The following TCERG1L variants were observed in gnomAD, a reference collection of about 807,000 sequenced individuals.
TCERG1L encodes transcription elongation regulator 1-like protein.
Under a neutral mutation model 56.3 loss-of-function variants are expected in TCERG1L, and 37 were observed. That is an observed-to-expected ratio of 0.66 (90% CI 0.51 to 0.87). The LOEUF (loss-of-function observed/expected upper bound fraction) is 0.87. TCERG1L is among the 40% of genes least tolerant of loss of function. TCERG1L has a pLI of 0.00. For missense variants in TCERG1L, 799 were observed against 774.2 expected (o/e 1.03, Z -0.38); for synonymous variants, 324 against 326.3 (o/e 0.99, Z 0.08).
intron 4 of TCERG1L, among the ~76,000 whole-genome samples, chr10:131,256,998 A>G (rs868032373): frequency 4.3e-4 from 41 of 94,298 alleles, no homozygotes; most frequent in African/African-American, 1.5e-3. Flanking sequence ...GGAAGGAAAG[A>G]AAGAAAGAAA....
intron 5 of TCERG1L, among the ~76,000 whole-genome samples, chr10:131,165,896 C>G (rs142328308): frequency 6.6e-6 from 1 of 152,072 alleles, no homozygotes; most frequent in Non-Finnish European, 1.5e-5. Context: ...GAATTAGACT[C>G]GAAGAACCAT....
At chr10:131,098,778 G>A (rs948652600) in intron 10 of TCERG1L, among the ~76,000 whole-genome samples, 1 of 152,196 alleles carries the variant, frequency 6.6e-6, no homozygotes, top group Non-Finnish European at 1.5e-5. Flanking sequence ...GGCTGCAGTG[G>A]TCCTCACTGT....
chr10:131,254,732 G>A (rs1846150102), intron 4 of TCERG1L, among the ~76,000 whole-genome samples: 1 of 152,188 alleles, frequency 6.6e-6, no homozygotes, highest in South Asian at 2.1e-4. Flanking sequence ...GGAGGCGTCA[G>A]GACGACCTCT....
chr10:131,158,845 G>A (rs4751332), intron 6 of TCERG1L, among the ~76,000 whole-genome samples: 26,611 of 152,220 alleles, frequency 0.17, 2,528 homozygotes, highest in Middle Eastern at 0.34. Context: ...CATGGGGAGC[G>A]AGCTCTGGGC....
At chr10:131,203,723 C>T (rs1239478342) in intron 4 of TCERG1L, among the ~76,000 whole-genome samples, 2 of 152,142 alleles carry the variant, frequency 1.3e-5, no homozygotes, top group Non-Finnish European at 2.9e-5. Flanking sequence ...AAGGCACTCT[C>T]CTAACTGCTG....
At chr10:131,269,639 G>A in intron 3 of TCERG1L, among the ~76,000 whole-genome samples, 1 of 152,146 alleles carries the variant, frequency 6.6e-6, no homozygotes, top group East Asian at 1.9e-4. Flanking sequence ...GAAGTTTGTG[G>A]CTCCCCAAAA....
chr10:131,241,994 T>C (rs1286186092), intron 4 of TCERG1L, among the ~76,000 whole-genome samples: 1 of 152,120 alleles, frequency 6.6e-6, no homozygotes, highest in Non-Finnish European at 1.5e-5. Flanking sequence ...CTTTAAAATG[T>C]TGAGGGAAAA....
chr10:131,308,470 G>T, intron 2 of TCERG1L, 79 bp from the exon 3 acceptor site: 1 of 1,169,870 alleles, frequency 8.5e-7, no homozygotes, highest in Non-Finnish European at 1.2e-6. Context: ...AAATATTTGT[G>T]TTGCCTTACG....
chr10:131,200,241 C>T (rs1845416648), intron 4 of TCERG1L, among the ~76,000 whole-genome samples: 1 of 152,174 alleles, frequency 6.6e-6, no homozygotes, highest in South Asian at 2.1e-4. Flanking sequence ...GCCTTAGTCT[C>T]GTTTGTGCTG....
intron 4 of TCERG1L, among the ~76,000 whole-genome samples, chr10:131,218,414 C>T (rs1030931244): frequency 1.3e-5 from 2 of 152,238 alleles, no homozygotes; most frequent in East Asian, 3.8e-4. Context: ...TGTGACCTCA[C>T]TGCATGTTGA....
intron 11 of TCERG1L, among the ~76,000 whole-genome samples, chr10:131,094,244 A>C (rs553941158): frequency 6.6e-6 from 1 of 152,270 alleles, no homozygotes; most frequent in Admixed American, 6.5e-5. Context: ...ATGCAGATGC[A>C]CTCGCTTGTC....
chr10:131,259,948 G>A (rs1413351854), intron 4 of TCERG1L, among the ~76,000 whole-genome samples: 1 of 152,256 alleles, frequency 6.6e-6, no homozygotes, highest in Non-Finnish European at 1.5e-5. Context: ...TGCACTCCCA[G>A]ACGCATGCAT....
intron 7 of TCERG1L, among the ~76,000 whole-genome samples, chr10:131,142,851 A>G (rs76422804): frequency 0.05 from 7,588 of 152,300 alleles, 278 homozygotes; most frequent in South Asian, 0.22. Context: ...CATACACTGG[A>G]CTACCTGGCA....
rs188695617 is a variant in TCERG1L, at chr10:131,227,734, G to A, written c.856+32525C>T. On this transcript the variant is annotated intron_variant, in intron 4 of 11. Coordinates refer to ENST00000368642, the MANE Select transcript of TCERG1L (RefSeq NM_174937.4). ...TTACGGACATGAGCAAAGAACCCAAGATACACGTCTTGATTACAAAACTGA... is the reference window on the plus strand; with the variant it reads ...TTACGGACATGAGCAAAGAACCCAAAATACACGTCTTGATTACAAAACTGA... Among the ~76,000 whole-genome samples, 154 of 125,422 alleles carry A rather than the reference G, an allele frequency of 1.2e-3. 1 individual carries two copies. Among genetic ancestry groups the A allele is most frequent in the African/African-American group, 4.9e-3 (150 of 30,910 alleles). The allele number at this position is 125,422 out of a possible 152,430, so 82.3% of individuals were successfully genotyped here. A position where few individuals can be genotyped will look rare whatever the true frequency, so the allele number is the denominator to read the frequency against.
intron 11 of TCERG1L, among the ~76,000 whole-genome samples, chr10:131,097,448 C>T (rs759770669): frequency 7.2e-5 from 11 of 152,162 alleles, no homozygotes; most frequent in East Asian, 1.9e-4. Flanking sequence ...CCCAGGTTTA[C>T]GCCATTCTCC....
chr10:131,203,470 C>T (rs1043626956), intron 4 of TCERG1L, among the ~76,000 whole-genome samples: 12 of 152,270 alleles, frequency 7.9e-5, no homozygotes, highest in African/African-American at 2.6e-4. Context: ...CCAAGCTGGC[C>T]CCAATCACAG....
intron 4 of TCERG1L, among the ~76,000 whole-genome samples, chr10:131,199,206 C>T (rs1383310547): frequency 6.6e-6 from 1 of 152,184 alleles, no homozygotes; most frequent in Non-Finnish European, 1.5e-5. Context: ...TCTGTACTCA[C>T]CCTTTGATCA....
chr10:131,281,297 C>T (rs1203311988), intron 3 of TCERG1L, among the ~76,000 whole-genome samples: 1 of 152,172 alleles, frequency 6.6e-6, no homozygotes, highest in East Asian at 1.9e-4. Context: ...GCCCTGCACG[C>T]CCTGTGCTGC....
At chr10:131,213,694 C>T (rs891105177) in intron 4 of TCERG1L, among the ~76,000 whole-genome samples, 1 of 152,222 alleles carries the variant, frequency 6.6e-6, no homozygotes, top group Non-Finnish European at 1.5e-5. Flanking sequence ...TCAGCAGGCA[C>T]AAGGAGGGCC....
Sources: gnomAD v4.1 joint callset for allele counts (sites outside exome capture counted in the v4.1 genomes callset) on GRCh38, gnomAD v4.1.1 for gene constraint, MANE v1.5 for transcripts, NCBI Gene and HGNC (gene_info 2026-07-23, HGNC 2026-07-21) for gene names.